DNAH9: variants seen among roughly 807,000 people sequenced by gnomAD.
The protein encoded by DNAH9 is dynein axonemal heavy chain 9.
A neutral mutation model predicts 471.6 loss-of-function variants in DNAH9; 345 were observed. The observed-to-expected ratio is 0.73, with a 90% CI of 0.67 to 0.80. The LOEUF is 0.80. Among genes scored for constraint, DNAH9 ranks in the 30% least tolerant of loss-of-function variants. The pLI, the probability that DNAH9 is intolerant of heterozygous loss-of-function variation, is 0.00. For synonymous variants in DNAH9, 2,093 were observed against 2,123.6 expected (o/e 0.99, Z 0.40); for missense variants, 5,407 against 5,609.2 (o/e 0.96, Z 1.15).
At chr17:11,666,013 G>C (rs2073859933) in intron 15 of DNAH9, among the ~76,000 whole-genome samples, 1 of 152,168 alleles carries the variant, frequency 6.6e-6, no homozygotes. Context: ...TTGCTTGCAG[G>C]ATACAGGGGT....
chr17:11,704,125 A>T, intron 24 of DNAH9, 78 bp from the exon 25 acceptor site: 1 of 1,533,954 alleles, frequency 6.5e-7, no homozygotes, highest in Non-Finnish European at 8.9e-7. Flanking sequence ...TTACATCCTG[A>T]GCCCTTGCTG....
At chr17:11,603,650 C>G (rs547893999) in intron 1 of DNAH9, among the ~76,000 whole-genome samples, 1 of 152,204 alleles carries the variant, frequency 6.6e-6, no homozygotes, top group Non-Finnish European at 1.5e-5. Flanking sequence ...AAGCAAAATC[C>G]TCCTTTCATC....
chr17:11,613,080 T>C (rs903956116), intron 4 of DNAH9, among the ~76,000 whole-genome samples: 13 of 152,176 alleles, frequency 8.5e-5, no homozygotes, highest in South Asian at 4.1e-4. Context: ...CTGGCATAAG[T>C]TGTTAGTCTC....
chr17:11,636,879 C>T, intron 9 of DNAH9, 95 bp downstream of exon 9: 1 of 1,146,714 alleles, frequency 8.7e-7, no homozygotes, highest in Non-Finnish European at 1.3e-6. Flanking sequence ...ATGTATGGAT[C>T]CATACATTCT....
chr17:11,805,523 C>CTTTTTTTTTTTTTTTTT lies in DNAH9; in HGVS notation c.8421-2183_8421-2167dup, dbSNP rs773842478. ...TATTTGGCCAAACTTTACCCGAGTT[C>CTTTTTTTTTTTTTTTTT]TTTTTTTTTTTTTTTTTTTTTTTTT... On this transcript the variant is annotated intron_variant, in intron 43 of 68. Coordinates refer to ENST00000262442, the MANE Select transcript of DNAH9 (RefSeq NM_001372.4). 7.7e-5 allele frequency among the ~76,000 whole-genome samples: 4 copies of CTTTTTTTTTTTTTTTTT among 52,092 alleles called. 1 individual carries two copies. The highest frequency in any genetic ancestry group is 1.4e-4 in the Non-Finnish European group (4 of 29,338). 34.2% of individuals were successfully genotyped at this position (52,092 alleles called of 152,430 possible).
chr17:11,952,127 A>G (rs1478150621), intron 67 of DNAH9, among the ~76,000 whole-genome samples: 2 of 137,114 alleles, frequency 1.5e-5, no homozygotes, highest in African/African-American at 5.3e-5. Context: ...TGTTTTTGCC[A>G]AAGCTATATT....
At chr17:11,895,909 A>G (rs1250842227) in intron 59 of DNAH9, among the ~76,000 whole-genome samples, 1 of 152,388 alleles carries the variant, frequency 6.6e-6, no homozygotes, top group African/African-American at 2.4e-5. Context: ...TCCCCTTCAA[A>G]GGAGTCATCT....
At chr17:11,870,127 G>T (rs1240118184) in intron 51 of DNAH9, among the ~76,000 whole-genome samples, 2 of 152,238 alleles carry the variant, frequency 1.3e-5, no homozygotes, top group African/African-American at 4.8e-5. Flanking sequence ...GAGGCAGGAA[G>T]TGGAAAGTCC....
chr17:11,890,287 C>CAA (rs1004533530), intron 57 of DNAH9, among the ~76,000 whole-genome samples: 1 of 152,090 alleles, frequency 6.6e-6, no homozygotes, highest in Non-Finnish European at 1.5e-5. Flanking sequence ...CTCTAATGAA[C>CAA]TATTCTTCCT....
chr17:11,696,077 C>T (rs1420208249), intron 22 of DNAH9, among the ~76,000 whole-genome samples: 1 of 152,192 alleles, frequency 6.6e-6, no homozygotes, highest in Non-Finnish European at 1.5e-5. Flanking sequence ...CATGCCATAA[C>T]CACGTCTGTT....
chr17:11,643,841 C>T (rs1445577849), intron 10 of DNAH9, among the ~76,000 whole-genome samples: 42 of 152,148 alleles, frequency 2.8e-4, no homozygotes, highest in Non-Finnish European at 4.4e-5. Context: ...GAGTGACTGT[C>T]CTGAGTATTG....
intron 61 of DNAH9, among the ~76,000 whole-genome samples, chr17:11,923,047 GCTT>G (rs1236865198): frequency 1.5e-5 from 1 of 67,786 alleles, no homozygotes; most frequent in African/African-American, 3.9e-5. Flanking sequence ...CTGAACAAGT[GCTT>G]CTTTTTTTTT....
At chr17:11,695,739 A>T (rs561580378) in intron 22 of DNAH9, among the ~76,000 whole-genome samples, 1 of 152,304 alleles carries the variant, frequency 6.6e-6, no homozygotes, top group Non-Finnish European at 1.5e-5. Context: ...CTGATTCACT[A>T]CGTCTGGGTA....
chr17:11,612,119 T>C, intron 4 of DNAH9: 1 of 555,772 alleles, frequency 1.8e-6, no homozygotes. Context: ...AACACAACAA[T>C]GTTCCTGGAG....
At chr17:11,752,988 C>A (rs748144030) in intron 33 of DNAH9, 28 bp downstream of exon 33, 13 of 1,522,706 alleles carry the variant, frequency 8.5e-6, no homozygotes, top group Middle Eastern at 1.8e-4. Flanking sequence ...ATCCCTAGAT[C>A]ATTTCTAATC....
At chr17:11,774,519 C>T (rs576857807) in intron 38 of DNAH9, among the ~76,000 whole-genome samples, 5 of 152,176 alleles carry the variant, frequency 3.3e-5, no homozygotes, top group African/African-American at 9.6e-5. Context: ...CAGGCAAGAG[C>T]GTGTGTGTGG....
intron 6 of DNAH9, among the ~76,000 whole-genome samples, chr17:11,628,869 G>A (rs540387312): frequency 4.7e-4 from 72 of 152,184 alleles, no homozygotes; most frequent in Admixed American, 7.8e-4. Context: ...ACTTATTTAT[G>A]TATGTATATA....
intron 27 of DNAH9, among the ~76,000 whole-genome samples, chr17:11,726,994 G>T (rs1160564662): frequency 8.0e-6 from 1 of 125,100 alleles, no homozygotes; most frequent in Admixed American, 1.0e-4. Flanking sequence ...GTTGCAATGA[G>T]CCAAGATCGC....
Position 11,629,451 on chromosome 17 carries a change from T to C in DNAH9, c.1385T>C (p.Leu462Pro). ...LLKTALDFHKLGKVEFSGVRG... is the reference protein window; with the variant it reads ...LLKTALDFHKPGKVEFSGVRG... ...AAGACGGCCCTGGATTTCCACAAAC[T>C]GGGAAAGGTGGAGTTCAGCGGCGTC... Residue 462 changes from leucine to proline, a missense_variant, in exon 7 of 69, where the codon CTG becomes CCG. Transcript: ENST00000262442. The C allele has an allele frequency of 9.3e-6, 15 of 1,614,134 alleles. No individual in the cohort carries two copies. The highest frequency in any genetic ancestry group is 1.1e-5 in the Non-Finnish European group (13 of 1,179,994).
Sources: gnomAD v4.1 joint callset for allele counts (sites outside exome capture counted in the v4.1 genomes callset) on GRCh38, gnomAD v4.1.1 for gene constraint, MANE v1.5 for transcripts, NCBI Gene and HGNC (gene_info 2026-07-23, HGNC 2026-07-21) for gene names.